ARHGEF10L: variants seen among roughly 807,000 people sequenced by gnomAD.
The protein encoded by ARHGEF10L is Rho guanine nucleotide exchange factor 10 like.
In ARHGEF10L, 69 loss-of-function variants were observed where a neutral mutation model predicts 141.2. The observed-to-expected ratio is 0.49, with a 90% CI of 0.40 to 0.60. The LOEUF is 0.60. Among genes scored for constraint, ARHGEF10L ranks in the 20% least tolerant of loss-of-function variants. ARHGEF10L has a pLI of 0.00. For missense variants in ARHGEF10L, 1,482 were observed against 1,734.3 expected, an observed-to-expected ratio of 0.85 and a Z score of 2.58; for synonymous variants, 711 against 718.5, an observed-to-expected ratio of 0.99 and a Z score of 0.17.
intron 21 of ARHGEF10L, among the ~76,000 whole-genome samples, chr1:17,646,580 G>A (rs1364853016): frequency 1.3e-5 from 2 of 152,128 alleles, no homozygotes; most frequent in Non-Finnish European, 2.9e-5. Context: ...ACACGCACGC[G>A]TGCACACGTG....
rs2065586893 is a variant in ARHGEF10L, at chr1:17,697,357, T to C, written c.3817T>C (p.Trp1273Arg). Residue 1273 changes from tryptophan to arginine, a missense_variant, in exon 29 of 29, where the codon TGG becomes CGG. Trp to Arg is a moderately radical substitution (Grantham distance 101, BLOSUM62 -3). Coordinates refer to ENST00000361221, the MANE Select transcript of ARHGEF10L (RefSeq NM_018125.4). The surrounding 1 kb of genome is among the most constrained non-coding windows in gnomAD (Gnocchi z 4.8). ...CGETDSTLLI[W>R]QVPLML Reference sequence around the variant, plus strand: ...GGAGACGGACAGCACCCTCCTCATCTGGCAGGTGCCCTTGATGCTATAGCG... The same window carrying C: ...GGAGACGGACAGCACCCTCCTCATCCGGCAGGTGCCCTTGATGCTATAGCG... 6.2e-7 allele frequency: 1 copy of C among 1,600,184 alleles called. No homozygotes were observed. The highest frequency in any genetic ancestry group is 8.5e-7 in the Non-Finnish European group (1 of 1,171,236).
intron 4 of ARHGEF10L, among the ~76,000 whole-genome samples, chr1:17,599,557 T>C (rs2080442055): frequency 6.6e-6 from 1 of 152,148 alleles, no homozygotes; most frequent in Non-Finnish European, 1.5e-5. Context: ...TGTGGCGCCT[T>C]CAGGATGTTT....
At chr1:17,555,684 G>T (rs1183795123) in intron 1 of ARHGEF10L, among the ~76,000 whole-genome samples, 1 of 152,134 alleles carries the variant, frequency 6.6e-6, no homozygotes, top group Non-Finnish European at 1.5e-5. Flanking sequence ...AGACACTGTG[G>T]ACTGATTATG....
chr1:17,679,486 C>T (rs1042837417), intron 26 of ARHGEF10L, among the ~76,000 whole-genome samples: 5 of 152,114 alleles, frequency 3.3e-5, no homozygotes, highest in Non-Finnish European at 7.4e-5. Flanking sequence ...AGTGCCGCAG[C>T]CTGGACAGTC....
chr1:17,630,100 C>T (rs1279729022), intron 15 of ARHGEF10L, among the ~76,000 whole-genome samples: 3 of 152,158 alleles, frequency 2.0e-5, no homozygotes, highest in East Asian at 1.9e-4. Context: ...TGGTGGAGGC[C>T]GCACCCTGGG....
Position 17,690,424 on chromosome 1 carries a change from G to A in ARHGEF10L, c.3184+2677G>A, listed in dbSNP as rs538564840. 3.9e-5 allele frequency among the ~76,000 whole-genome samples: 6 copies of A among 152,380 alleles called. No homozygotes were observed. The East Asian group carries it at 1.2e-3, about 29-fold the overall frequency. On this transcript the variant is annotated intron_variant, in intron 27 of 28. Coordinates refer to ENST00000361221, the MANE Select transcript of ARHGEF10L (RefSeq NM_018125.4). The stretch of plus-strand genomic sequence containing the variant: ...CCACAGTCCCCGTCTCAAGCCAGCA[G>A]CGGTCCATGATGGTGACATTTTGCC...
At position 17,611,438 on chromosome 1, in the gene ARHGEF10L, A is replaced by C. The variant is rs531477636; in HGVS notation, c.610-1620A>C. ...CTAAGTGGTCAGTATTATTGTCCTT[A>C]AGATTCTCATTTTGTTGATCAGAAA... On this transcript the variant is annotated intron_variant, in intron 7 of 28. Coordinates refer to ENST00000361221, the MANE Select transcript of ARHGEF10L (RefSeq NM_018125.4). Among the ~76,000 whole-genome samples the C allele has an allele frequency of 6.9e-4, 105 of 152,288 alleles. 1 individual carries two copies. The highest frequency in any genetic ancestry group is 2.4e-3 in the African/African-American group (101 of 41,568).
chr1:17,627,978 A>G lies in ARHGEF10L; in HGVS notation c.1584+475A>G, dbSNP rs1325321953. 1.3e-5 allele frequency among the ~76,000 whole-genome samples: 2 copies of G among 152,108 alleles called. No homozygotes were observed. Among genetic ancestry groups the G allele is most frequent in the Non-Finnish European group, 2.9e-5 (2 of 68,014 alleles). On this transcript the variant is annotated intron_variant, in intron 15 of 28. Transcript: ENST00000361221. This position sits in a 1 kb window ranked among gnomAD's most constrained non-coding sequence, Gnocchi z 4.0. ...GCTTCGTGATTGTCCTTAACACAAG[A>G]AGAAAGATGAAAAGTCCATGCCATG...
intron 1 of ARHGEF10L, among the ~76,000 whole-genome samples, chr1:17,555,551 C>A (rs1378628922): frequency 6.6e-6 from 1 of 152,068 alleles, no homozygotes; most frequent in Non-Finnish European, 1.5e-5. Flanking sequence ...GACGGGGTTT[C>A]TCCATGTTGG....
At chr1:17,675,587 A>G (rs1571462867) in intron 26 of ARHGEF10L, among the ~76,000 whole-genome samples, 1 of 119,590 alleles carries the variant, frequency 8.4e-6, no homozygotes, top group African/African-American at 3.3e-5. Flanking sequence ...GGATGCAGGG[A>G]TGTGTGCAGG....
chr1:17,641,299 C>G (rs1186031300), intron 21 of ARHGEF10L, among the ~76,000 whole-genome samples: 1 of 152,164 alleles, frequency 6.6e-6, no homozygotes, highest in Admixed American at 6.5e-5. Context: ...CTGGTATGAT[C>G]TTTCTATAGA....
At position 17,557,046 on chromosome 1, in the gene ARHGEF10L, A is replaced by G. The variant is rs1242233069; in HGVS notation, c.-44+17096A>G. Among the ~76,000 whole-genome samples the G allele has an allele frequency of 2.6e-5, 4 of 151,724 alleles. No individual in the cohort carries two copies. The South Asian group carries it at 8.3e-4, about 32-fold the overall frequency. ...GACTCCATCTCTTAAAAAAAAAAAA[A>G]AAAAAAGAAAATGTGGCCAAGTGCA... On this transcript the variant is annotated intron_variant, in intron 1 of 28. Coordinates refer to ENST00000361221, the MANE Select transcript of ARHGEF10L (RefSeq NM_018125.4).
intron 4 of ARHGEF10L, among the ~76,000 whole-genome samples, chr1:17,601,011 C>A (rs2080601736): frequency 6.7e-6 from 1 of 150,210 alleles, no homozygotes; most frequent in South Asian, 2.1e-4. Context: ...GATCGCACCA[C>A]CGCCCTGAAG....
At chr1:17,695,111 G>A in intron 27 of ARHGEF10L, 47 bp from the exon 28 acceptor site, 1 of 1,609,616 alleles carries the variant, frequency 6.2e-7, no homozygotes, top group Non-Finnish European at 8.5e-7. Flanking sequence ...CAGAGCCCAT[G>A]CTGTCTCCCC....
rs1321198855 is a variant in ARHGEF10L at position 17,687,637 on chromosome 1, G to A, written c.3074G>A (p.Gly1025Asp). The change falls in exon 27 of 29, where the codon GGC becomes GAC. Residue 1025 changes from glycine to aspartate, a missense_variant. Physicochemically the swap from Gly to Asp is moderately conservative, Grantham distance 94 (BLOSUM62 -1). Transcript: ENST00000361221. Reference protein sequence around the residue: ...SVTHMVKAGSGVWMAFSSGTS... With the variant: ...SVTHMVKAGSDVWMAFSSGTS... ...ACACACATGGTGAAGGCGGGCAGCG[G>A]CGTCTGGATGGCCTTCTCCTCCGGC... The A allele has an allele frequency of 6.2e-7, 1 of 1,612,924 alleles. No individual in the cohort carries two copies. The highest frequency in any genetic ancestry group is 8.5e-7 in the Non-Finnish European group (1 of 1,179,860).
chr1:17,620,996 G>T lies in ARHGEF10L; in HGVS notation c.943-868G>T, dbSNP rs1283577264. 4.6e-5 allele frequency among the ~76,000 whole-genome samples: 7 copies of T among 152,278 alleles called. No homozygotes were observed. In the East Asian group the frequency reaches 1.4e-3, roughly 29 times the overall value. On this transcript the variant is annotated intron_variant, in intron 10 of 28. Transcript: ENST00000361221. ...TGCAAGCCACACCATGCTCGACGGGGTACTGCAGGCTGCAGCTGAGGGGTT... is the reference window on the plus strand; with the variant it reads ...TGCAAGCCACACCATGCTCGACGGGTTACTGCAGGCTGCAGCTGAGGGGTT...
intron 2 of ARHGEF10L, among the ~76,000 whole-genome samples, chr1:17,586,813 T>C (rs1415444573): frequency 6.6e-6 from 1 of 151,846 alleles, no homozygotes; most frequent in Non-Finnish European, 1.5e-5. Flanking sequence ...TGAGCTTTAA[T>C]GGGAGAGGAG....
At chr1:17,598,059 G>A (rs566536703) in intron 4 of ARHGEF10L, among the ~76,000 whole-genome samples, 71 of 151,864 alleles carry the variant, frequency 4.7e-4, no homozygotes, top group Non-Finnish European at 7.4e-4. Flanking sequence ...TTGGGCTGCT[G>A]TAAGACAATG....
rs143946270 is a variant in ARHGEF10L, at chr1:17,647,157, G to A, written c.2273-1397G>A. On this transcript the variant is annotated intron_variant, in intron 21 of 28. Coordinates refer to ENST00000361221, the MANE Select transcript of ARHGEF10L (RefSeq NM_018125.4). ...CCTCTGCGATGGAGCATCAGCGGGC[G>A]CGGTTGCTGAAGGCTGCCTGGTTTA... Among the ~76,000 whole-genome samples, 645 of 152,296 alleles carry A rather than the reference G, an allele frequency of 4.2e-3. 4 individuals carry two copies. The highest frequency in any genetic ancestry group is 0.014 in the African/African-American group (590 of 41,560).
Sources: gnomAD v4.1 joint callset for allele counts (sites outside exome capture counted in the v4.1 genomes callset) on GRCh38, gnomAD v4.1.1 for gene constraint, Gnocchi (gnomAD v3.1) non-coding constraint, MANE v1.5 for transcripts, NCBI Gene and HGNC (gene_info 2026-07-23, HGNC 2026-07-21) for gene names.